The following SNX13 variants were observed in gnomAD, a reference collection of about 807,000 sequenced individuals.
SNX13 encodes sorting nexin-13.
SNX13 carries 45 observed loss-of-function variants against 133.6 expected under a neutral mutation model. The observed-to-expected ratio is 0.34, with a 90% CI of 0.27 to 0.43. The LOEUF (loss-of-function observed/expected upper bound fraction) is 0.43. SNX13 is among the 20% of genes least tolerant of loss of function. The pLI is 1.00. For missense variants in SNX13, 1,032 were observed against 1,145.1 expected (o/e 0.90, Z 1.43); for synonymous variants, 414 against 373.9 (o/e 1.11, Z -1.24).
chr7:17,797,612 T>C (rs539322065), intron 24 of SNX13, among the ~76,000 whole-genome samples: 4 of 151,958 alleles, frequency 2.6e-5, no homozygotes, highest in East Asian at 1.9e-4. Context: ...CTGAGAGCTT[T>C]ACAGGCTCTT....
chr7:17,805,254 T>TGTGCGTGCGCGCGCGCGCGC (rs537620797), intron 20 of SNX13, among the ~76,000 whole-genome samples: 8 of 132,440 alleles, frequency 6.0e-5, no homozygotes, highest in Non-Finnish European at 1.1e-4. Context: ...TGTGTGTGCG[T>TGTGCGTGCGCGCGCGCGCGC]GCGCGCGCGC....
rs935251659 is a variant in SNX13 at position 17,859,051 on chromosome 7, G to A, written c.838-8087C>T. 2.6e-5 allele frequency among the ~76,000 whole-genome samples: 4 copies of A among 151,978 alleles called. No individual in the cohort carries two copies. The East Asian group carries it at 7.7e-4, about 29-fold the overall frequency. On this transcript the variant is annotated intron_variant, in intron 9 of 25. Coordinates refer to ENST00000428135, the MANE Select transcript of SNX13 (RefSeq NM_015132.5). The stretch of plus-strand genomic sequence containing the variant: ...TCTTCAAACAAACAAGGATTTCCTA[G>A]AGAAGACCAAAAAAATACTAGCTGT...
chr7:17,890,447 C>G lies in SNX13; in HGVS notation c.356G>C (p.Trp119Ser). 6.3e-7 allele frequency: 1 copy of G among 1,598,584 alleles called. No homozygotes were observed. Among genetic ancestry groups the G allele is most frequent in the East Asian group, 2.3e-5 (1 of 44,398 alleles). ...TTCATCATCGCTTAGTGTATAATACCAATACTGGACATAATCCCTCAAGGA... is the reference window on the plus strand; with the variant it reads ...TTCATCATCGCTTAGTGTATAATACGAATACTGGACATAATCCCTCAAGGA... ...QFSLRDYVQY[W>S]YYTLSDDESF... is the part of the protein sequence containing the mutation. The change falls in exon 5 of 26, where the codon TGG becomes TCG. Residue 119 changes from tryptophan (W) to serine (S), a missense_variant. Transcript: ENST00000428135.
chr7:17,890,158 A>C, intron 5 of SNX13: 1 of 415,274 alleles, frequency 2.4e-6, no homozygotes, highest in Middle Eastern at 6.4e-4. Context: ...CTTAATCAAA[A>C]TAACATTCTG....
At chr7:17,827,091 T>C (rs1317760116) in intron 16 of SNX13, among the ~76,000 whole-genome samples, 1 of 152,042 alleles carries the variant, frequency 6.6e-6, no homozygotes, top group Non-Finnish European at 1.5e-5. Context: ...CTGCCTCCAA[T>C]AAAAAACCTG....
intron 5 of SNX13, chr7:17,879,539 T>C (rs751227676): frequency 6.6e-6 from 1 of 152,250 alleles, no homozygotes. Context: ...AACAATTGCT[T>C]CCTTACTCCT....
At chr7:17,796,574 T>C in intron 25 of SNX13, 1 of 371,328 alleles carries the variant, frequency 2.7e-6, no homozygotes, top group Non-Finnish European at 4.9e-6. Flanking sequence ...AAACCTTGGA[T>C]AGGTTATTTA....
At chr7:17,843,631 C>A (rs540218792) in intron 12 of SNX13, among the ~76,000 whole-genome samples, 1 of 151,996 alleles carries the variant, frequency 6.6e-6, no homozygotes, top group African/African-American at 2.4e-5. Context: ...TTCTCAGGTA[C>A]ACATGGAATA....
intron 22 of SNX13, among the ~76,000 whole-genome samples, chr7:17,801,065 GATACAGCAAT>G (rs1784595902): frequency 1.5e-5 from 1 of 64,968 alleles, no homozygotes; most frequent in African/African-American, 5.4e-5. Flanking sequence ...TATATATCCT[GATACAGCAAT>G]TTCATTCCTA....
chr7:17,921,252 T>C (rs993175275), intron 1 of SNX13, among the ~76,000 whole-genome samples: 1 of 152,226 alleles, frequency 6.6e-6, no homozygotes, highest in African/African-American at 2.4e-5. Context: ...GGATGTGTTC[T>C]CTAGACTAAT....
rs1410671843 is a variant in SNX13 at position 17,832,982 on chromosome 7, C to T, written c.1597+1070G>A. ...GTATTTTTTAAAGCAGTGCTCACTACCTAACAGCTCTATTTTATCTCCATT... is the reference window on the plus strand; with the variant it reads ...GTATTTTTTAAAGCAGTGCTCACTATCTAACAGCTCTATTTTATCTCCATT... On this transcript the variant is annotated intron_variant, in intron 15 of 25. Transcript: ENST00000428135. Among the ~76,000 whole-genome samples the T allele has an allele frequency of 3.3e-5, 5 of 151,314 alleles. No individual in the cohort carries two copies. The East Asian group carries it at 9.7e-4, about 29-fold the overall frequency.
intron 1 of SNX13, among the ~76,000 whole-genome samples, chr7:17,909,542 CA>C (rs1390062840): frequency 6.6e-6 from 1 of 152,216 alleles, no homozygotes; most frequent in Non-Finnish European, 1.5e-5. Context: ...AAGAGACTAA[CA>C]AGATCACATC....
chr7:17,877,693 G>A (rs1794879705), intron 5 of SNX13, among the ~76,000 whole-genome samples: 1 of 151,580 alleles, frequency 6.6e-6, no homozygotes, highest in African/African-American at 2.4e-5. Context: ...AGGATGTAAT[G>A]ACATTTTAAA....
Position 17,826,106 on chromosome 7 carries a change from T to C in SNX13, c.1636-15A>G. The C allele has an allele frequency of 2.6e-6, 4 of 1,512,404 alleles. No individual in the cohort carries two copies. Among genetic ancestry groups the C allele is most frequent in the East Asian group, 4.9e-5 (2 of 40,610 alleles). 93.7% of individuals were successfully genotyped at this position (1,512,404 alleles called of 1,614,324 possible). On this transcript the variant is annotated splice_polypyrimidine_tract_variant and intron_variant, in intron 16 of 25. Coordinates refer to ENST00000428135, the MANE Select transcript of SNX13 (RefSeq NM_015132.5). The stretch of plus-strand genomic sequence containing the variant: ...TCATCTAAAGACTGAGAAAAAAAAA[T>C]CAGGAAACAAATTTTTAAAATTTTA...
intron 16 of SNX13, 37 bp downstream of exon 16, chr7:17,829,973 C>T: frequency 7.0e-7 from 1 of 1,425,226 alleles, no homozygotes; most frequent in Non-Finnish European, 9.6e-7. Context: ...ACATTATTTT[C>T]AAGTCACTTT....
At chr7:17,859,261 C>T (rs915143821) in intron 9 of SNX13, among the ~76,000 whole-genome samples, 1 of 151,514 alleles carries the variant, frequency 6.6e-6, no homozygotes, top group Admixed American at 6.6e-5. Context: ...AAAAGATAAA[C>T]GGGGAGAAAA....
intron 5 of SNX13, among the ~76,000 whole-genome samples, chr7:17,884,033 A>C (rs1795681564): frequency 6.6e-6 from 1 of 152,174 alleles, no homozygotes; most frequent in African/African-American, 2.4e-5. Context: ...CAAATCCTAA[A>C]ATCGTTGCTG....
chr7:17,805,254 T>A (rs10235030), intron 20 of SNX13, among the ~76,000 whole-genome samples: 1 of 132,526 alleles, frequency 7.5e-6, no homozygotes, highest in African/African-American at 2.7e-5. Flanking sequence ...TGTGTGTGCG[T>A]GCGCGCGCGC....
At chr7:17,796,756 G>T (rs1784098168) in intron 25 of SNX13, 71 bp downstream of exon 25, 1 of 1,085,930 alleles carries the variant, frequency 9.2e-7, no homozygotes, top group East Asian at 2.4e-5. Flanking sequence ...CAGTTACACT[G>T]GCATGATGAA....
Sources: gnomAD v4.1 joint callset for allele counts (sites outside exome capture counted in the v4.1 genomes callset) on GRCh38, gnomAD v4.1.1 for gene constraint, MANE v1.5 for transcripts, NCBI Gene and HGNC (gene_info 2026-07-23, HGNC 2026-07-21) for gene names.